PCYT1B: variants seen among roughly 807,000 people sequenced by gnomAD.
PCYT1B encodes phosphate cytidylyltransferase 1B, choline.
In PCYT1B, 10 loss-of-function variants were observed where a neutral mutation model predicts 26.4. The ratio of observed to expected loss-of-function variants is 0.38; its 90% CI spans 0.23 to 0.64. The LOEUF is 0.64. Ranked by LOEUF, PCYT1B falls within the 30% of genes least tolerant of loss-of-function variation. PCYT1B has a pLI of 0.56. For synonymous variants in PCYT1B, 131 were observed against 108.4 expected, an observed-to-expected ratio of 1.21 and a Z score of -1.29; for missense variants, 161 against 292.7, an observed-to-expected ratio of 0.55 and a Z score of 3.28.
intron 3 of PCYT1B, among the ~76,000 whole-genome samples, chrX:24,593,455 CTTTTCTTTTCT>C (rs1924657414): frequency 2.4e-4 from 2 of 8,482 alleles, no homozygotes; most frequent in African/African-American, 1.8e-3. Context: ...CTTTTCTTTT[CTTTTCTTTTCT>C]TTTCTTTTCT....
chrX:24,602,787 T>C (rs1926035739), intron 3 of PCYT1B, among the ~76,000 whole-genome samples: 1 of 112,015 alleles, frequency 8.9e-6, no homozygotes, highest in Non-Finnish European at 1.9e-5. Flanking sequence ...TATCTAAATT[T>C]TATTTACTTA....
At chrX:24,670,482 G>C (rs1026616423) in intron 1 of PCYT1B, among the ~76,000 whole-genome samples, 1 of 112,295 alleles carries the variant, frequency 8.9e-6, no homozygotes, top group Non-Finnish European at 1.9e-5. Flanking sequence ...GGTACACAAA[G>C]GGCTGGTAGT....
rs754367187 is a variant in PCYT1B at position 24,591,088 on chromosome X, C to T, written c.335-914G>A. On this transcript the variant is annotated intron_variant, in intron 3 of 7. Transcript: ENST00000379144. Reference sequence around the variant, plus strand: ...GATTATAGGCGTGAGCCACCACACCCGGCCTCCACATCTCTTATATTTTCT... The same window carrying T: ...GATTATAGGCGTGAGCCACCACACCTGGCCTCCACATCTCTTATATTTTCT... Among the ~76,000 whole-genome samples the T allele has an allele frequency of 1.8e-3, 203 of 111,685 alleles. 2 individuals carry two copies. The highest frequency in any genetic ancestry group is 6.2e-3 in the African/African-American group (190 of 30,725).
intron 2 of PCYT1B, among the ~76,000 whole-genome samples, chrX:24,617,526 C>T (rs1161071544): frequency 1.9e-5 from 2 of 105,707 alleles, no homozygotes; most frequent in African/African-American, 6.9e-5. Context: ...CGGCTCACTG[C>T]AACCTCCACC....
intron 1 of PCYT1B, among the ~76,000 whole-genome samples, chrX:24,665,884 C>T (rs925370455): frequency 3.6e-5 from 4 of 110,238 alleles, no homozygotes; most frequent in Admixed American, 9.7e-5. Flanking sequence ...CCAGCTCCTG[C>T]CTACCTCTGA....
intron 7 of PCYT1B, among the ~76,000 whole-genome samples, chrX:24,566,939 A>G (rs1407657512): frequency 5.4e-5 from 6 of 111,814 alleles, no homozygotes; most frequent in Non-Finnish European, 1.1e-4. Context: ...CCCCCCTCAA[A>G]GTCAAACAGA....
intron 3 of PCYT1B, among the ~76,000 whole-genome samples, chrX:24,592,183 C>T (rs1924589627): frequency 8.9e-6 from 1 of 111,864 alleles, no homozygotes; most frequent in East Asian, 2.8e-4. Flanking sequence ...AGAATGAAAT[C>T]CTGTCATTTA....
chrX:24,670,048 AAAAGAAAGAAAG>A lies in PCYT1B; in HGVS notation c.63+2510_63+2521del, dbSNP rs756342863. On this transcript the variant is annotated intron_variant, in intron 1 of 7. Coordinates refer to the PCYT1B transcript ENST00000379145. ...ACAGAGTAAGACCTTGTCTCAAAAAAAAAGAAAGAAAGAAAGAAAGAAAGAAAGAAAGAAAGA... is the reference window on the plus strand; with the variant it reads ...ACAGAGTAAGACCTTGTCTCAAAAAAAAAGAAAGAAAGAAAGAAAGAAAGA... Among the ~76,000 whole-genome samples, 267 of 58,057 alleles carry A rather than the reference AAAAGAAAGAAAG, an allele frequency of 4.6e-3. 5 individuals are homozygous for A. The highest frequency in any genetic ancestry group is 0.011 in the East Asian group (20 of 1,749). 50.4% of individuals were successfully genotyped at this position (58,057 alleles called of 115,157 possible).
chrX:24,656,148 A>AG (rs1405830695), intron 1 of PCYT1B, among the ~76,000 whole-genome samples: 1 of 100,283 alleles, frequency 1.0e-5, no homozygotes, highest in East Asian at 3.1e-4. Context: ...AAAAAAAAAA[A>AG]AAAAAGCCCA....
intron 1 of PCYT1B, among the ~76,000 whole-genome samples, chrX:24,659,987 T>C (rs1926995615): frequency 9.0e-6 from 1 of 111,586 alleles, no homozygotes; most frequent in Non-Finnish European, 1.9e-5. Context: ...CCACTTTGCT[T>C]TATTCTGGAA....
At chrX:24,609,411 T>C (rs1010565125) in intron 2 of PCYT1B, among the ~76,000 whole-genome samples, 4 of 111,655 alleles carry the variant, frequency 3.6e-5, no homozygotes, top group Non-Finnish European at 7.5e-5. Flanking sequence ...CCTTGTGATC[T>C]GCCCACCTCA....
In PCYT1B at chrX:24,559,438, AG is replaced by A. The variant is rs1282412160; in HGVS notation, c.*2854del. ...AGAAAAAGAGAAAGAAGAAAGAAAAAGAAAGAGAGAGAGAGAGAAAGAAAGA... is the reference window on the plus strand; with the variant it reads ...AGAAAAAGAGAAAGAAGAAAGAAAAAAAAGAGAGAGAGAGAGAAAGAAAGA... On this transcript the variant is annotated 3_prime_UTR_variant, in exon 8 of 8. Coordinates refer to ENST00000379144, the MANE Select transcript of PCYT1B (RefSeq NM_004845.5). 2 of 27,873 alleles carry A rather than the reference AG, an allele frequency of 7.2e-5. No individual in the cohort carries two copies. The highest frequency in any genetic ancestry group is 2.4e-4 in the Non-Finnish European group (2 of 8,338). The allele number at this position is 27,873 out of a possible 1,213,427, so 2.3% of individuals were successfully genotyped here. A position where few individuals can be genotyped will look rare whatever the true frequency, so the allele number is the denominator to read the frequency against.
chrX:24,631,792 C>A (rs763265053), intron 1 of PCYT1B, among the ~76,000 whole-genome samples: 1 of 112,049 alleles, frequency 8.9e-6, no homozygotes, highest in Admixed American at 9.4e-5. Context: ...ATGGTGAAAC[C>A]CTGTCTCTAC....
upstream of PCYT1B, among the ~76,000 whole-genome samples, chrX:24,648,444 A>G (rs1926693102): frequency 1.3e-5 from 1 of 77,106 alleles, no homozygotes; most frequent in Non-Finnish European, 2.2e-5. Context: ...CTGGGATTTG[A>G]AGGAATTTTT....
intron 1 of PCYT1B, among the ~76,000 whole-genome samples, chrX:24,671,886 G>T (rs187406257): frequency 8.9e-6 from 1 of 112,499 alleles, no homozygotes; most frequent in Non-Finnish European, 1.9e-5. Flanking sequence ...ACCATATACA[G>T]TGGTCTCACT....
intron 7 of PCYT1B, among the ~76,000 whole-genome samples, chrX:24,572,385 A>G: frequency 9.0e-6 from 1 of 111,572 alleles, no homozygotes; most frequent in Middle Eastern, 4.6e-3. Context: ...CCATTCATTC[A>G]TACATTCATT....
At chrX:24,662,259 T>C (rs772290814) in intron 1 of PCYT1B, among the ~76,000 whole-genome samples, 2 of 112,463 alleles carry the variant, frequency 1.8e-5, no homozygotes, top group South Asian at 3.7e-4. Flanking sequence ...AGATGAAATA[T>C]GTTGTTTGGA....
chrX:24,649,803 C>G (rs981461661), upstream of PCYT1B, among the ~76,000 whole-genome samples: 3 of 112,219 alleles, frequency 2.7e-5, no homozygotes, highest in African/African-American at 9.7e-5. Flanking sequence ...TTACCCACAT[C>G]AAATCCTTAG....
In PCYT1B at chrX:24,619,028, G is replaced by T. The variant is rs750861482; in HGVS notation, c.174C>A (p.Pro58=). Residue 58 remains proline, a synonymous_variant, in exon 2 of 8, where the codon CCC becomes CCA. Transcript: ENST00000379144. ...CCTGAGCAATGGTCAGTTTTTCATGGGGTGCTTGACACTGGCAGTTGGTTT... is the reference window on the plus strand; with the variant it reads ...CCTGAGCAATGGTCAGTTTTTCATGTGGTGCTTGACACTGGCAGTTGGTTT... ...ADETNCQCQA[P]HEKLTIAQAR... 8.5e-7 allele frequency: 1 copy of T among 1,180,640 alleles called. No individual in the cohort carries two copies. Among genetic ancestry groups the T allele is most frequent in the Non-Finnish European group, 1.1e-6 (1 of 877,217 alleles).
Sources: gnomAD v4.1 joint callset for allele counts (sites outside exome capture counted in the v4.1 genomes callset) on GRCh38, gnomAD v4.1.1 for gene constraint, MANE v1.5 for transcripts, NCBI Gene and HGNC (gene_info 2026-07-23, HGNC 2026-07-21) for gene names.